Variants in COLEC12 observed in about 807,000 individuals in gnomAD.
COLEC12 encodes the protein collectin subfamily member 12.
In COLEC12, 33 loss-of-function variants were observed where a neutral mutation model predicts 71.1. The ratio of observed to expected loss-of-function variants is 0.46; its 90% CI spans 0.35 to 0.62. COLEC12 has a LOEUF of 0.62. COLEC12 is among the 20% of genes least tolerant of loss of function. COLEC12 has a pLI of 0.00. For synonymous variants in COLEC12, 350 were observed against 353.0 expected (o/e 0.99, Z 0.10); for missense variants, 765 against 916.1 (o/e 0.84, Z 2.13).
chr18:471,395 T>C lies in COLEC12; in HGVS notation c.58+9312A>G, dbSNP rs182534572. On this transcript the variant is annotated intron_variant, in intron 2 of 9. Coordinates refer to ENST00000400256, the MANE Select transcript of COLEC12 (RefSeq NM_130386.3). Reference sequence around the variant, plus strand: ...TTTCTTCAAAATCTGCTTAAGACTATAGAGAATACTGAGCCAGAAAACAAA... The same window carrying C: ...TTTCTTCAAAATCTGCTTAAGACTACAGAGAATACTGAGCCAGAAAACAAA... 3.0e-4 allele frequency among the ~76,000 whole-genome samples: 45 copies of C among 151,890 alleles called. 1 individual carries two copies. In the East Asian group the frequency reaches 8.3e-3, roughly 28 times the overall value.
intron 2 of COLEC12, among the ~76,000 whole-genome samples, chr18:417,811 T>C (rs34659626): frequency 0.062 from 9,396 of 152,298 alleles, 356 homozygotes; most frequent in South Asian, 0.11. Context: ...TAGTTCTCCC[T>C]GGAGACGGAC....
chr18:452,221 A>G (rs1916776915), intron 2 of COLEC12, among the ~76,000 whole-genome samples: 2 of 152,218 alleles, frequency 1.3e-5, no homozygotes. Flanking sequence ...TGTGCTCAAT[A>G]TATGATTTAG....
At chr18:422,598 C>A (rs866035311) in intron 2 of COLEC12, among the ~76,000 whole-genome samples, 22 of 152,062 alleles carry the variant, frequency 1.4e-4, no homozygotes, top group Middle Eastern at 3.4e-3. Flanking sequence ...TTTTACCCCC[C>A]AGAGGTAACT....
intron 2 of COLEC12, among the ~76,000 whole-genome samples, chr18:446,299 C>T (rs978988356): frequency 1.3e-5 from 2 of 152,034 alleles, no homozygotes; most frequent in African/African-American, 2.4e-5. Flanking sequence ...CGTACATACA[C>T]ACACACAAAC....
intron 2 of COLEC12, among the ~76,000 whole-genome samples, chr18:419,330 T>A (rs533811794): frequency 1.5e-4 from 23 of 152,242 alleles, no homozygotes; most frequent in Non-Finnish European, 2.6e-4. Context: ...CTCAGCCTCC[T>A]GAGTAGCTGG....
intron 2 of COLEC12, among the ~76,000 whole-genome samples, chr18:479,226 C>T (rs1917362473): frequency 6.6e-6 from 1 of 152,184 alleles, no homozygotes; most frequent in Non-Finnish European, 1.5e-5. Flanking sequence ...AACACAGGAC[C>T]ATGGTCTCAT....
intron 6 of COLEC12, chr18:333,808 G>C (rs1368599490): frequency 6.6e-6 from 1 of 152,206 alleles, no homozygotes; most frequent in Non-Finnish European, 1.5e-5. Flanking sequence ...AGGGAAGAGC[G>C]CTCAGGGCGG....
chr18:374,361 G>A (rs749641095), intron 2 of COLEC12, among the ~76,000 whole-genome samples: 5 of 151,874 alleles, frequency 3.3e-5, no homozygotes, highest in African/African-American at 9.7e-5. Context: ...ATTTTTTCAC[G>A]TTTGCACATA....
intron 2 of COLEC12, among the ~76,000 whole-genome samples, chr18:412,342 T>A (rs1915907944): frequency 6.6e-6 from 1 of 151,958 alleles, no homozygotes; most frequent in African/African-American, 2.4e-5. Flanking sequence ...AAAAAACTGA[T>A]AACCCAGAGT....
chr18:393,998 C>T (rs11661728), intron 2 of COLEC12, among the ~76,000 whole-genome samples: 4,670 of 152,180 alleles, frequency 0.031, 99 homozygotes, highest in Non-Finnish European at 0.047. Flanking sequence ...CTGGAGGTCC[C>T]GGGTGCAGGT....
At chr18:345,871 A>C (rs571093777) in intron 5 of COLEC12, among the ~76,000 whole-genome samples, 1 of 152,372 alleles carries the variant, frequency 6.6e-6, no homozygotes, top group South Asian at 2.1e-4. Context: ...AAGAAACAGA[A>C]TGAAGTGGAT....
At chr18:457,421 G>A (rs1916894484) in intron 2 of COLEC12, among the ~76,000 whole-genome samples, 1 of 152,220 alleles carries the variant, frequency 6.6e-6, no homozygotes, top group African/African-American at 2.4e-5. Context: ...GGCTGCAGAT[G>A]TTTTTAACCC....
chr18:439,052 TTCTC>T (rs1448948913), intron 2 of COLEC12, among the ~76,000 whole-genome samples: 1 of 152,176 alleles, frequency 6.6e-6, no homozygotes, highest in Non-Finnish European at 1.5e-5. Flanking sequence ...TCACTCAAAC[TTCTC>T]TCTCTGCCTT....
chr18:349,806 GAC>G (rs1914468660), intron 3 of COLEC12, among the ~76,000 whole-genome samples: 2 of 152,220 alleles, frequency 1.3e-5, no homozygotes, highest in African/African-American at 4.8e-5. Context: ...CTGCCCTGCT[GAC>G]TTTGAACTTG....
chr18:362,050 C>G lies in COLEC12; in HGVS notation c.59-4528G>C, dbSNP rs114043099. On this transcript the variant is annotated intron_variant, in intron 2 of 9. Coordinates refer to ENST00000400256, the MANE Select transcript of COLEC12 (RefSeq NM_130386.3). This position sits in a 1 kb window ranked among gnomAD's most constrained non-coding sequence, Gnocchi z 4.6. ...AAAAGAGAGGCCCAGAGAGGGGAAG[C>G]AGGATCAGAAGCCACAGGTCCTGAC... 7.8e-3 allele frequency among the ~76,000 whole-genome samples: 1,190 copies of G among 152,260 alleles called. 20 individuals are homozygous for G. Among genetic ancestry groups the G allele is most frequent in the African/African-American group, 0.027 (1,143 of 41,566 alleles).
intron 2 of COLEC12, among the ~76,000 whole-genome samples, chr18:466,521 T>C (rs1208297139): frequency 1.3e-5 from 2 of 152,172 alleles, no homozygotes; most frequent in Admixed American, 6.5e-5. Flanking sequence ...AGAATCTAAC[T>C]ATAGAAAATG....
chr18:409,797 C>T (rs1325175196), intron 2 of COLEC12, among the ~76,000 whole-genome samples: 2 of 152,148 alleles, frequency 1.3e-5, no homozygotes, highest in African/African-American at 4.8e-5. Context: ...ACATACCATG[C>T]ATATATGAGC....
intron 1 of COLEC12, among the ~76,000 whole-genome samples, chr18:481,028 C>A (rs1321888174): frequency 1.3e-5 from 2 of 152,098 alleles, no homozygotes; most frequent in Admixed American, 1.3e-4. Context: ...TCTGGACCAC[C>A]CGGCCACTCC....
chr18:455,047 T>C (rs1423734120), intron 2 of COLEC12, among the ~76,000 whole-genome samples: 1 of 152,098 alleles, frequency 6.6e-6, no homozygotes, highest in Non-Finnish European at 1.5e-5. Flanking sequence ...CCAGAAACAT[T>C]CCCATCCCCT....
Sources: gnomAD v4.1 joint callset for allele counts (sites outside exome capture counted in the v4.1 genomes callset) on GRCh38, gnomAD v4.1.1 for gene constraint, Gnocchi (gnomAD v3.1) non-coding constraint, MANE v1.5 for transcripts, NCBI Gene and HGNC (gene_info 2026-07-23, HGNC 2026-07-21) for gene names.